Variants in TRPC4 observed in about 807,000 individuals in gnomAD.
TRPC4 encodes transient receptor potential cation channel subfamily C member 4, also known as short transient receptor potential channel 4.
In TRPC4, 49 loss-of-function variants were observed where a neutral mutation model predicts 99.4. The observed-to-expected ratio is 0.49, with a 90% CI of 0.39 to 0.63. TRPC4 has a LOEUF of 0.63. Among genes scored for constraint, TRPC4 ranks in the 20% least tolerant of loss-of-function variants. TRPC4 has a pLI of 0.00. For missense variants in TRPC4, 898 were observed against 1,152.9 expected (o/e 0.78, Z 3.20); for synonymous variants, 454 against 425.9 (o/e 1.07, Z -0.81).
chr13:37,839,680 G>C (rs1464712611), intron 1 of TRPC4, among the ~76,000 whole-genome samples: 2 of 152,076 alleles, frequency 1.3e-5, no homozygotes, highest in Non-Finnish European at 2.9e-5. Context: ...GGGGATTACA[G>C]ATATTAGGTA....
intron 2 of TRPC4, among the ~76,000 whole-genome samples, chr13:37,747,245 A>T (rs576985813): frequency 7.2e-5 from 11 of 152,144 alleles, no homozygotes; most frequent in African/African-American, 2.7e-4. Context: ...TGCCAGGTAC[A>T]TTAACCCTCA....
chr13:37,836,087 G>T (rs139465402), intron 1 of TRPC4, among the ~76,000 whole-genome samples: 2 of 152,068 alleles, frequency 1.3e-5, no homozygotes, highest in African/African-American at 4.8e-5. Context: ...TCTCCTGCAC[G>T]AGTTCTCTCT....
intron 7 of TRPC4, among the ~76,000 whole-genome samples, chr13:37,652,566 G>C (rs1374908009): frequency 1.1e-5 from 1 of 88,802 alleles, no homozygotes; most frequent in Non-Finnish European, 2.5e-5. Flanking sequence ...AGAAGCTGCA[G>C]TTTCCCTCCC....
At chr13:37,764,433 TTTATG>T (rs1956303538) in intron 2 of TRPC4, among the ~76,000 whole-genome samples, 2 of 151,320 alleles carry the variant, frequency 1.3e-5, no homozygotes, top group Non-Finnish European at 3.0e-5. Context: ...ATATTAATAT[TTTATG>T]TTATGACTCA....
intron 4 of TRPC4, among the ~76,000 whole-genome samples, chr13:37,684,251 A>C (rs563326806): frequency 2.6e-5 from 4 of 152,210 alleles, no homozygotes; most frequent in Non-Finnish European, 5.9e-5. Flanking sequence ...TGAATGTTAA[A>C]TATTCTTAGT....
chr13:37,805,638 G>A (rs1448305876), intron 1 of TRPC4, among the ~76,000 whole-genome samples: 1 of 151,930 alleles, frequency 6.6e-6, no homozygotes, highest in Non-Finnish European at 1.5e-5. Flanking sequence ...CTATTTGGAA[G>A]AATATGCTTT....
At chr13:37,757,824 T>C (rs966457558) in intron 2 of TRPC4, among the ~76,000 whole-genome samples, 1 of 152,016 alleles carries the variant, frequency 6.6e-6, no homozygotes, top group Non-Finnish European at 1.5e-5. Flanking sequence ...GATGAGTCTG[T>C]GCACTGATAG....
At chr13:37,649,666 G>A (rs1018584744) in intron 8 of TRPC4, among the ~76,000 whole-genome samples, 12 of 144,400 alleles carry the variant, frequency 8.3e-5, no homozygotes, top group African/African-American at 2.6e-4. Context: ...CCCGGAAGGC[G>A]GAGCTTGCAG....
chr13:37,648,378 T>G (rs567040676), intron 8 of TRPC4, among the ~76,000 whole-genome samples: 7 of 152,134 alleles, frequency 4.6e-5, no homozygotes, highest in Non-Finnish European at 1.0e-4. Context: ...GGAAATGCAG[T>G]ATGGAGAAAG....
intron 3 of TRPC4, among the ~76,000 whole-genome samples, chr13:37,701,532 T>C (rs941550146): frequency 1.8e-4 from 28 of 152,264 alleles, no homozygotes; most frequent in African/African-American, 6.5e-4. Flanking sequence ...GCATTTCCAC[T>C]TGCCACACGT....
intron 3 of TRPC4, among the ~76,000 whole-genome samples, chr13:37,728,224 C>T (rs1334508413): frequency 6.6e-6 from 1 of 151,136 alleles, no homozygotes. Context: ...AAAAAGTCAA[C>T]ACCAGGAAGA....
At chr13:37,659,795 G>A (rs780221737) in intron 6 of TRPC4, among the ~76,000 whole-genome samples, 1 of 152,082 alleles carries the variant, frequency 6.6e-6, no homozygotes, top group Non-Finnish European at 1.5e-5. Flanking sequence ...CACATGGAAG[G>A]GATGAGAAGA....
At chr13:37,734,308 G>A (rs570024864) in intron 3 of TRPC4, among the ~76,000 whole-genome samples, 1 of 152,242 alleles carries the variant, frequency 6.6e-6, no homozygotes, top group African/African-American at 2.4e-5. Context: ...TATTATCTAA[G>A]CAAGAGCAAA....
chr13:37,660,725 A>C (rs1952406562), intron 6 of TRPC4, among the ~76,000 whole-genome samples: 1 of 152,246 alleles, frequency 6.6e-6, no homozygotes, highest in Admixed American at 6.5e-5. Context: ...TATATGAATT[A>C]GTGTATTTTT....
intron 1 of TRPC4, among the ~76,000 whole-genome samples, chr13:37,842,863 A>C (rs1300854785): frequency 6.6e-6 from 1 of 152,246 alleles, no homozygotes; most frequent in Non-Finnish European, 1.5e-5. Flanking sequence ...TGGAACGAAA[A>C]GAGTAAGGAT....
At chr13:37,675,039 C>G (rs929331403) in intron 4 of TRPC4, among the ~76,000 whole-genome samples, 1 of 151,744 alleles carries the variant, frequency 6.6e-6, no homozygotes, top group Non-Finnish European at 1.5e-5. Context: ...GTATTTAGAG[C>G]CTAATGATGA....
In TRPC4 at chr13:37,812,176, C is replaced by CAAAAAAAAAAAAAAAAAAAAAAAA. The variant is rs61607544; in HGVS notation, c.-27-28817_-27-28816insTTTTTTTTTTTTTTTTTTTTTTTT. 4.0e-4 allele frequency among the ~76,000 whole-genome samples: 22 copies of CAAAAAAAAAAAAAAAAAAAAAAAA among 55,158 alleles called. 1 individual carries two copies. Among genetic ancestry groups the CAAAAAAAAAAAAAAAAAAAAAAAA allele is most frequent in the East Asian group, 2.5e-3 (4 of 1,620 alleles). The allele number at this position is 55,158 out of a possible 152,430, so 36.2% of individuals were successfully genotyped here. Reference sequence around the variant, plus strand: ...CCTAGGCAACAGACTGAGACTCTATCAAAAAAAAAAAAAAAAAAACCAGGA... The same window carrying CAAAAAAAAAAAAAAAAAAAAAAAA: ...CCTAGGCAACAGACTGAGACTCTATCAAAAAAAAAAAAAAAAAAAAAAAAAAAAAAAAAAAAAAAAAAACCAGGA... On this transcript the variant is annotated intron_variant, in intron 1 of 10. Transcript: ENST00000379705.
intron 1 of TRPC4, among the ~76,000 whole-genome samples, chr13:37,832,170 G>T (rs1021251142): frequency 6.6e-6 from 1 of 152,098 alleles, no homozygotes; most frequent in Non-Finnish European, 1.5e-5. Context: ...ATCATTATTT[G>T]TAAATTACAG....
chr13:37,732,859 T>C (rs960917413), intron 3 of TRPC4, among the ~76,000 whole-genome samples: 3 of 152,116 alleles, frequency 2.0e-5, no homozygotes, highest in African/African-American at 7.2e-5. Context: ...CAGATCAAAA[T>C]TAATATAATT....
Sources: allele counts gnomAD v4.1 joint callset (sites outside exome capture counted in the v4.1 genomes callset), GRCh38; gene constraint gnomAD v4.1.1; transcripts MANE v1.5; gene names NCBI Gene and HGNC (gene_info 2026-07-23, HGNC 2026-07-21).